Variants in ERC1 observed in about 807,000 individuals in gnomAD.
The protein encoded by ERC1 is RAB6 interacting protein 2.
Under a neutral mutation model 132.0 loss-of-function variants are expected in ERC1, and 56 were observed. That is an observed-to-expected ratio of 0.42 (90% CI 0.34 to 0.53). The LOEUF is 0.53. Ranked by LOEUF, ERC1 falls within the 20% of genes least tolerant of loss-of-function variation. The pLI, the probability that ERC1 is intolerant of heterozygous loss-of-function variation, is 0.03. For synonymous variants in ERC1, 478 were observed against 476.1 expected (o/e 1.00, Z -0.05); for missense variants, 1,202 against 1,349.9 (o/e 0.89, Z 1.72).
chr12:1,356,567 G>A (rs1019849369), intron 15 of ERC1, among the ~76,000 whole-genome samples: 1 of 152,096 alleles, frequency 6.6e-6, no homozygotes, highest in Non-Finnish European at 1.5e-5. Flanking sequence ...GCTAAGGAGA[G>A]AACCTTCAAA....
intron 15 of ERC1, among the ~76,000 whole-genome samples, chr12:1,355,925 G>A (rs2085476401): frequency 6.6e-6 from 1 of 152,146 alleles, no homozygotes; most frequent in African/African-American, 2.4e-5. Flanking sequence ...CTCGGTCCTG[G>A]CTGGGTGCGG....
At chr12:1,208,947 C>A (rs755338026) in intron 12 of ERC1, among the ~76,000 whole-genome samples, 9 of 145,684 alleles carry the variant, frequency 6.2e-5, no homozygotes, top group African/African-American at 2.3e-4. Context: ...CTTGCCACCA[C>A]GCCCAGCTGA....
At chr12:1,250,538 T>C (rs566523084) in intron 13 of ERC1, among the ~76,000 whole-genome samples, 25 of 152,302 alleles carry the variant, frequency 1.6e-4, no homozygotes, top group Admixed American at 1.2e-3. Flanking sequence ...GCTGTACTTA[T>C]TGAGTTATAA....
At chr12:1,146,747 T>C (rs1265225293) in intron 8 of ERC1, among the ~76,000 whole-genome samples, 5 of 151,094 alleles carry the variant, frequency 3.3e-5, no homozygotes, top group Non-Finnish European at 7.4e-5. Flanking sequence ...TAGCATTAGG[T>C]ATATCTCCTA....
At chr12:998,967 C>A (rs1961560912) in intron 1 of ERC1, among the ~76,000 whole-genome samples, 1 of 147,648 alleles carries the variant, frequency 6.8e-6, no homozygotes, top group African/African-American at 2.5e-5. Context: ...TCAAGTGATT[C>A]TCCTGCCTTA....
At chr12:1,071,216 T>C (rs1420793861) in intron 2 of ERC1, among the ~76,000 whole-genome samples, 2 of 152,228 alleles carry the variant, frequency 1.3e-5, no homozygotes, top group African/African-American at 4.8e-5. Context: ...GGGTGATACC[T>C]AAGGGTGGAA....
intron 14 of ERC1, among the ~76,000 whole-genome samples, chr12:1,282,075 G>T (rs982173344): frequency 6.6e-6 from 1 of 152,002 alleles, no homozygotes; most frequent in African/African-American, 2.4e-5. Flanking sequence ...TGAAAAAGAA[G>T]CATTTCTTTC....
chr12:1,253,676 CAAAG>C (rs2076603383), intron 13 of ERC1, among the ~76,000 whole-genome samples: 1 of 150,560 alleles, frequency 6.6e-6, no homozygotes, highest in Non-Finnish European at 1.5e-5. Context: ...AACTGCATCT[CAAAG>C]AAAAAAAAAG....
chr12:1,415,174 T>C (rs2092055007), intron 17 of ERC1, among the ~76,000 whole-genome samples: 1 of 152,236 alleles, frequency 6.6e-6, no homozygotes, highest in Non-Finnish European at 1.5e-5. Context: ...AAACTTTCCT[T>C]CCAGTAACCT....
intron 1 of ERC1, among the ~76,000 whole-genome samples, chr12:1,017,853 C>T (rs1965766361): frequency 6.6e-6 from 1 of 152,108 alleles, no homozygotes; most frequent in African/African-American, 2.4e-5. Flanking sequence ...ATCTTAAGTG[C>T]TTGGTACATC....
intron 12 of ERC1, among the ~76,000 whole-genome samples, chr12:1,213,558 G>A (rs543469831): frequency 2.8e-4 from 43 of 152,066 alleles, no homozygotes; most frequent in African/African-American, 1.0e-3. Context: ...CCAACATGGT[G>A]AAACCCCATC....
At chr12:1,169,486 T>C (rs1367844015) in intron 8 of ERC1, among the ~76,000 whole-genome samples, 1 of 152,146 alleles carries the variant, frequency 6.6e-6, no homozygotes, top group Non-Finnish European at 1.5e-5. Context: ...GCTCCCTCTG[T>C]ACAATCCTCA....
chr12:1,103,573 G>A (rs567230826), intron 3 of ERC1, among the ~76,000 whole-genome samples: 19 of 152,288 alleles, frequency 1.2e-4, no homozygotes, highest in South Asian at 4.1e-4. Context: ...GGCAAGAAGT[G>A]CTTGGATTTT....
intron 2 of ERC1, among the ~76,000 whole-genome samples, chr12:1,030,186 A>G (rs192338169): frequency 1.4e-4 from 21 of 152,126 alleles, no homozygotes; most frequent in Middle Eastern, 3.4e-3. Flanking sequence ...GCTGTCTTAT[A>G]CTCTTAAAGG....
intron 7 of ERC1, among the ~76,000 whole-genome samples, chr12:1,122,187 ATCTCTATCTCTATCTGTGTCTCTATC>A (rs1947457695): frequency 2.6e-5 from 2 of 75,696 alleles, no homozygotes; most frequent in East Asian, 3.4e-4. Context: ...CTCTATCTCT[ATCTCTATCTCTATCTGTGTCTCTATC>A]TCTATCTCTA....
chr12:1,074,292 AGT>A (rs1940968771), intron 2 of ERC1, among the ~76,000 whole-genome samples: 1 of 151,648 alleles, frequency 6.6e-6, no homozygotes, highest in Non-Finnish European at 1.5e-5. Flanking sequence ...CCATTTTGAT[AGT>A]GTTTTCATTT....
At chr12:1,348,038 C>G (rs949557617) in intron 15 of ERC1, among the ~76,000 whole-genome samples, 3 of 152,106 alleles carry the variant, frequency 2.0e-5, no homozygotes, top group Non-Finnish European at 2.9e-5. Flanking sequence ...TGTCTCTCCA[C>G]TTAGTTGATT....
chr12:1,278,441 C>A (rs1021652572), intron 14 of ERC1, among the ~76,000 whole-genome samples: 1 of 151,808 alleles, frequency 6.6e-6, no homozygotes, highest in Non-Finnish European at 1.5e-5. Context: ...GAATGAATGT[C>A]CAAAAAAAGA....
At chr12:1,185,659 T>C (rs1954998219) in intron 11 of ERC1, among the ~76,000 whole-genome samples, 1 of 152,102 alleles carries the variant, frequency 6.6e-6, no homozygotes, top group Non-Finnish European at 1.5e-5. Flanking sequence ...AATGACATTT[T>C]TATCACCCTA....
Sources: gnomAD v4.1 joint callset for allele counts (sites outside exome capture counted in the v4.1 genomes callset) on GRCh38, gnomAD v4.1.1 for gene constraint, MANE v1.5 for transcripts, NCBI Gene and HGNC (gene_info 2026-07-23, HGNC 2026-07-21) for gene names.